KCNH1: variants seen among roughly 807,000 people sequenced by gnomAD.
KCNH1 encodes voltage-gated delayed rectifier potassium channel KCNH1.
KCNH1 carries 27 observed loss-of-function variants against 69.2 expected under a neutral mutation model. That is an observed-to-expected ratio of 0.39 (90% CI 0.29 to 0.54). The LOEUF is 0.54. Ranked by LOEUF, KCNH1 falls within the 20% of genes least tolerant of loss-of-function variation. The probability of loss-of-function intolerance (pLI) is 0.68; values close to 1 mark genes in which losing one functional copy is unlikely to be tolerated. For synonymous variants in KCNH1, 456 were observed against 487.7 expected (o/e 0.93, Z 0.86); for missense variants, 798 against 1,261.6 (o/e 0.63, Z 5.57).
rs199748188 is a variant in KCNH1, at chr1:211,022,813, CA to C, written c.559-3558del. The stretch of plus-strand genomic sequence containing the variant: ...AGTTAAATGGCTATTATCAAAAAGA[CA>C]AAAAAAAGTGCTGATGGCCAGGCAT... On this transcript the variant is annotated intron_variant, in intron 5 of 10. Transcript: ENST00000271751. Among the ~76,000 whole-genome samples, 1,115 of 151,498 alleles carry C rather than the reference CA, an allele frequency of 7.4e-3. 9 individuals are homozygous for C. Among genetic ancestry groups the C allele is most frequent in the Middle Eastern group, 0.017 (5 of 294 alleles).
chr1:211,087,134 A>G (rs543124895), intron 4 of KCNH1, among the ~76,000 whole-genome samples: 129 of 152,308 alleles, frequency 8.5e-4, no homozygotes, highest in African/African-American at 2.9e-3. Context: ...ATGAAGATAC[A>G]TGGAGAAGGG....
chr1:211,033,858 T>C (rs1360747895), intron 5 of KCNH1, among the ~76,000 whole-genome samples: 6 of 151,994 alleles, frequency 3.9e-5, no homozygotes. Flanking sequence ...GGCACATGTA[T>C]ACATATGTAA....
intron 10 of KCNH1, among the ~76,000 whole-genome samples, chr1:210,738,216 C>T (rs1682925335): frequency 6.6e-6 from 1 of 152,204 alleles, no homozygotes; most frequent in African/African-American, 2.4e-5. Context: ...ACACAGTCTT[C>T]TCCTTCAATG....
At chr1:210,778,336 G>A (rs1179066441) in intron 9 of KCNH1, among the ~76,000 whole-genome samples, 2 of 152,106 alleles carry the variant, frequency 1.3e-5, no homozygotes, top group Admixed American at 6.6e-5. Flanking sequence ...ACCAGCCTGG[G>A]CAACAAAGTG....
intron 1 of KCNH1, among the ~76,000 whole-genome samples, chr1:211,117,113 G>C (rs1007911607): frequency 1.3e-5 from 2 of 152,184 alleles, no homozygotes; most frequent in Non-Finnish European, 2.9e-5. Context: ...TTCAGAGGAA[G>C]AGGCAATATG....
chr1:210,807,286 C>T (rs1281422246), intron 7 of KCNH1, among the ~76,000 whole-genome samples: 2 of 152,202 alleles, frequency 1.3e-5, no homozygotes, highest in South Asian at 4.2e-4. Flanking sequence ...CCTTTTTCTC[C>T]TTTATTATAA....
At chr1:210,888,013 A>T (rs1686654656) in intron 7 of KCNH1, among the ~76,000 whole-genome samples, 1 of 152,240 alleles carries the variant, frequency 6.6e-6, no homozygotes, top group African/African-American at 2.4e-5. Flanking sequence ...ACAGAAGATT[A>T]ACAAGGATAT....
In KCNH1 at chr1:211,103,498, T is replaced by C; in HGVS notation, c.308A>G (p.Asn103Ser). Residue 103 changes from asparagine to serine, a missense_variant and splice_region_variant, in exon 3 of 11, where the codon AAC (asparagine) becomes AGC (serine). This residue lies in a region of KCNH1 where 266 missense variants were observed against 457.2 expected (regional missense o/e 0.58). Coordinates refer to ENST00000271751, the MANE Select transcript of KCNH1 (RefSeq NM_172362.3). Reference sequence around the variant, plus strand: ...TTCAGAATGGTCTCAATACTCACTGTTCTTCTTGTACATCAGAATTTCAAA... The same window carrying C: ...TTCAGAATGGTCTCAATACTCACTGCTCTTCTTGTACATCAGAATTTCAAA... Reference protein sequence around the residue: ...NSFEILMYKKNRTPVWFFVKI... With the variant: ...NSFEILMYKKSRTPVWFFVKI... The C allele has an allele frequency of 6.3e-7, 1 of 1,593,432 alleles. No individual in the cohort carries two copies. Among genetic ancestry groups the C allele is most frequent in the Non-Finnish European group, 8.6e-7 (1 of 1,162,236 alleles).
chr1:210,707,455 C>G (rs554151264), intron 10 of KCNH1, among the ~76,000 whole-genome samples: 39 of 152,296 alleles, frequency 2.6e-4, no homozygotes, highest in African/African-American at 9.1e-4. Flanking sequence ...AGGGACAGCA[C>G]AAGCAATTAC....
At chr1:211,116,805 G>A (rs2102494396) in intron 1 of KCNH1, among the ~76,000 whole-genome samples, 1 of 152,288 alleles carries the variant, frequency 6.6e-6, no homozygotes, top group African/African-American at 2.4e-5. Flanking sequence ...TCTTAGCCTA[G>A]GAGTAGGTCA....
At position 210,965,576 on chromosome 1, in the gene KCNH1, C is replaced by T. The variant is rs549806784; in HGVS notation, c.1033-45507G>A. Among the ~76,000 whole-genome samples, 5 of 151,604 alleles carry T rather than the reference C, an allele frequency of 3.3e-5. No individual in the cohort carries two copies. The East Asian group carries it at 9.7e-4, about 30-fold the overall frequency. On this transcript the variant is annotated intron_variant, in intron 6 of 10. Coordinates refer to ENST00000271751, the MANE Select transcript of KCNH1 (RefSeq NM_172362.3). ...TACTACCTGACTTCAAACTATACTA[C>T]CAACTATACACCAATAATTACACAG... is the stretch of plus-strand genomic sequence containing the variant.
At chr1:210,714,266 G>A (rs1348317941) in intron 10 of KCNH1, among the ~76,000 whole-genome samples, 1 of 152,184 alleles carries the variant, frequency 6.6e-6, no homozygotes, top group Non-Finnish European at 1.5e-5. Flanking sequence ...ACAGCTGTCA[G>A]TAAGGGGAGT....
At chr1:210,749,638 C>T (rs1458544785) in intron 10 of KCNH1, among the ~76,000 whole-genome samples, 2 of 152,016 alleles carry the variant, frequency 1.3e-5, no homozygotes, top group Non-Finnish European at 2.9e-5. Context: ...GGTTAAGAGA[C>T]ACCAGTTTAT....
chr1:210,782,038 C>T (rs1489461952), intron 9 of KCNH1, among the ~76,000 whole-genome samples: 1 of 152,140 alleles, frequency 6.6e-6, no homozygotes, highest in Non-Finnish European at 1.5e-5. Context: ...GACTCCTGCT[C>T]ATCCTTCAAA....
At chr1:210,699,088 C>T (rs934871953) in intron 10 of KCNH1, among the ~76,000 whole-genome samples, 1 of 152,202 alleles carries the variant, frequency 6.6e-6, no homozygotes, top group Non-Finnish European at 1.5e-5. Context: ...CTTCTGCTCC[C>T]CAAGTGAGTC....
chr1:210,907,739 G>C (rs1021643857), intron 7 of KCNH1, among the ~76,000 whole-genome samples: 1 of 152,122 alleles, frequency 6.6e-6, no homozygotes, highest in Admixed American at 6.5e-5. Context: ...CATCCCAGTG[G>C]GGGTGGGGGT....
rs947224800 is a variant in KCNH1 at position 210,940,201 on chromosome 1, T to A, written c.1033-20132A>T. On this transcript the variant is annotated intron_variant, in intron 6 of 10. Transcript: ENST00000271751. ...AGGCTGGTTTAATTCAATTCGGCAATCATTTCCTGAAAACCTAGGACAGGA... is the reference window on the plus strand; with the variant it reads ...AGGCTGGTTTAATTCAATTCGGCAAACATTTCCTGAAAACCTAGGACAGGA... 1.1e-4 allele frequency among the ~76,000 whole-genome samples: 17 copies of A among 152,240 alleles called. 2 individuals carry two copies. Among genetic ancestry groups the A allele is most frequent in the Non-Finnish European group, 1.5e-5 (1 of 68,044 alleles).
At chr1:210,902,362 C>G (rs756849338) in intron 7 of KCNH1, among the ~76,000 whole-genome samples, 5 of 152,246 alleles carry the variant, frequency 3.3e-5, no homozygotes, top group Admixed American at 6.5e-5. Flanking sequence ...AATTAAGATG[C>G]TGCTCTGCTG....
intron 7 of KCNH1, among the ~76,000 whole-genome samples, chr1:210,818,574 G>A (rs1260890942): frequency 1.3e-5 from 2 of 152,058 alleles, no homozygotes; most frequent in African/African-American, 4.8e-5. Context: ...GTAAGATTTT[G>A]GTGAGGATTA....
Sources: gnomAD v4.1 joint callset for allele counts (sites outside exome capture counted in the v4.1 genomes callset) on GRCh38, gnomAD v4.1.1 for gene constraint, gnomAD v4.1.1 regional missense constraint, MANE v1.5 for transcripts, NCBI Gene and HGNC (gene_info 2026-07-23, HGNC 2026-07-21) for gene names.